VPS4A: variants seen among roughly 807,000 people sequenced by gnomAD.
The protein encoded by VPS4A is vacuolar protein sorting 4 homolog A.
Under a neutral mutation model 52.3 loss-of-function variants are expected in VPS4A, and 20 were observed. The ratio of observed to expected loss-of-function variants is 0.38; its 90% CI spans 0.27 to 0.56. The LOEUF (loss-of-function observed/expected upper bound fraction) is 0.56, where lower values mean the gene tolerates loss of function less well. Ranked by LOEUF, VPS4A falls within the 20% of genes least tolerant of loss-of-function variation. The pLI is 0.72. For synonymous variants in VPS4A, 293 were observed against 227.7 expected (o/e 1.29, Z -2.58); for missense variants, 419 against 575.9 (o/e 0.73, Z 2.79).
chr16:69,314,256 C>G (rs1460918784), intron 1 of VPS4A, among the ~76,000 whole-genome samples: 1 of 151,984 alleles, frequency 6.6e-6, no homozygotes, highest in Non-Finnish European at 1.5e-5. Context: ...CATGAGCCAC[C>G]GTGCCCAGCC....
Position 69,320,342 on chromosome 16 carries a change from C to G in VPS4A, c.769+53C>G. 4.4e-6 allele frequency: 7 copies of G among 1,595,260 alleles called. No homozygotes were observed. Among genetic ancestry groups the G allele is most frequent in the Non-Finnish European group, 6.0e-6 (7 of 1,166,832 alleles). On this transcript the variant is annotated intron_variant, in intron 7 of 10. Transcript: ENST00000254950. The surrounding 1 kb of genome is among the most constrained non-coding windows in gnomAD (Gnocchi z 4.2). ...GTTCTTGTTGCACCTGAAGCCAACC[C>G]TGGGCTTTATTCTGAGCTGCGGCTG...
rs1127232 is a variant in VPS4A, at chr16:69,321,252, G to A, written c.1053G>A (p.Ser351=). Residue 351 remains serine (S), a synonymous_variant, in exon 9 of 11, where the codon TCG becomes TCA. Coordinates refer to ENST00000254950, the MANE Select transcript of VPS4A (RefSeq NM_013245.3). This position sits in a 1 kb window ranked among gnomAD's most constrained non-coding sequence, Gnocchi z 4.5. ...SLMQPVRKVQ[S]ATHFKKVCGP... is the part of the protein sequence containing the mutation. ...TGCAGCCCGTGAGGAAGGTGCAGTC[G>A]GCCACACACTTCAAAAAGGTGAGTG... 93,300 of 1,555,258 alleles carry A rather than the reference G, an allele frequency of 0.06. 3,076 individuals are homozygous for A. Among genetic ancestry groups the A allele is most frequent in the South Asian group, 0.077 (6,527 of 84,300 alleles).
In VPS4A at chr16:69,326,206, ACACTGGGCTTG is replaced by A. The variant is rs1304931660; in HGVS notation, c.*1906_*1916del. Reference sequence around the variant, plus strand: ...TGATTACATGGCCAACTCTTGGCTCACACTGGGCTTGCACTGGGCCATTTCTTTGCTCTGGT... The same window carrying A: ...TGATTACATGGCCAACTCTTGGCTCACACTGGGCCATTTCTTTGCTCTGGT... On this transcript the variant is annotated 3_prime_UTR_variant, in exon 11 of 11. Transcript: ENST00000254950. 9 of 152,378 alleles carry A rather than the reference ACACTGGGCTTG, an allele frequency of 5.9e-5. No individual in the cohort carries two copies. Among genetic ancestry groups the A allele is most frequent in the African/African-American group, 1.7e-4 (7 of 41,566 alleles). The allele number at this position is 152,378 out of a possible 1,614,324, so 9.4% of individuals were successfully genotyped here. A position where few individuals can be genotyped will look rare whatever the true frequency, so the allele number is the denominator to read the frequency against.
In VPS4A at chr16:69,321,540, C is replaced by T. The variant is rs942077663; in HGVS notation, c.1071+270C>T. 1.0e-5 allele frequency: 5 copies of T among 500,414 alleles called. No homozygotes were observed. Among genetic ancestry groups the T allele is most frequent in the Non-Finnish European group, 1.8e-5 (5 of 275,236 alleles). The allele number at this position is 500,414 out of a possible 1,614,324, so 31.0% of individuals were successfully genotyped here. A position where few individuals can be genotyped will look rare whatever the true frequency, so the allele number is the denominator to read the frequency against. On this transcript the variant is annotated intron_variant, in intron 9 of 10. Coordinates refer to ENST00000254950, the MANE Select transcript of VPS4A (RefSeq NM_013245.3). This position sits in a 1 kb window ranked among gnomAD's most constrained non-coding sequence, Gnocchi z 4.5. ...CCTGCTGCGGCCTCCTCCGTCAGCA[C>T]TGTGTGCTCTTGTGCGGGGTGGACA... is the stretch of plus-strand genomic sequence containing the variant.
At position 69,325,751 on chromosome 16, in the gene VPS4A, G is replaced by T. The variant is rs1026753066; in HGVS notation, c.*1442G>T. 1.3e-5 allele frequency: 2 copies of T among 149,646 alleles called. No homozygotes were observed. The highest frequency in any genetic ancestry group is 3.2e-3 in the Middle Eastern group (1 of 310). The allele number at this position is 149,646 out of a possible 1,614,324, so 9.3% of individuals were successfully genotyped here. On this transcript the variant is annotated 3_prime_UTR_variant, in exon 11 of 11. Transcript: ENST00000254950. ...CTGTCTCAAAAAAAAAAAAAAAGTC[G>T]AGAGTTGACATAAAAATTCAGAATT...
At chr16:69,311,680 C>T (rs1965379647) in intron 1 of VPS4A, 148 bp downstream of exon 1, 1 of 868,274 alleles carries the variant, frequency 1.2e-6, no homozygotes. Flanking sequence ...CCGCTTCCGC[C>T]CGTGTCTGTT....
At chr16:69,323,790 A>C (rs188453010) in intron 10 of VPS4A, 3 of 385,084 alleles carry the variant, frequency 7.8e-6, no homozygotes, top group Admixed American at 6.3e-5. Context: ...TCTCTGCTAA[A>C]AATACAAAAA....
rs117150054 is a variant in VPS4A at position 69,315,914 on chromosome 16, G to A, written c.22-94G>A. ...CAAGCAATAAATCCACAGGCCCAGCGGCATCCCTCGTCACGTTTCATCCCC... is the reference window on the plus strand; with the variant it reads ...CAAGCAATAAATCCACAGGCCCAGCAGCATCCCTCGTCACGTTTCATCCCC... On this transcript the variant is annotated intron_variant, in intron 1 of 10. Transcript: ENST00000254950. The A allele has an allele frequency of 2.2e-3, 2,249 of 1,022,948 alleles. 61 individuals carry two copies. In the East Asian group the frequency reaches 0.045, roughly 21 times the overall value. The allele number at this position is 1,022,948 out of a possible 1,614,324, so 63.4% of individuals were successfully genotyped here. A position where few individuals can be genotyped will look rare whatever the true frequency, so the allele number is the denominator to read the frequency against.
At position 69,321,275 on chromosome 16, in the gene VPS4A, G is replaced by A. The variant is rs778749821; in HGVS notation, c.1071+5G>A. 22 of 1,550,642 alleles carry A rather than the reference G, an allele frequency of 1.4e-5. No homozygotes were observed. Among genetic ancestry groups the A allele is most frequent in the African/African-American group, 2.7e-5 (2 of 73,052 alleles). ...TCGGCCACACACTTCAAAAAGGTGA[G>A]TGCCCGCGGCCACTGCTGAGAAAAA... is the stretch of plus-strand genomic sequence containing the variant. On this transcript the variant is annotated splice_donor_5th_base_variant and intron_variant, in intron 9 of 10. Coordinates refer to ENST00000254950, the MANE Select transcript of VPS4A (RefSeq NM_013245.3). The surrounding 1 kb of genome is among the most constrained non-coding windows in gnomAD (Gnocchi z 4.5).
rs1398140576 is a variant in VPS4A, at chr16:69,326,373, G to GT, written c.*2066dup. 6.6e-6 allele frequency: 1 copy of GT among 152,228 alleles called. No homozygotes were observed. The highest frequency in any genetic ancestry group is 1.5e-5 in the Non-Finnish European group (1 of 68,048). 9.4% of individuals were successfully genotyped at this position (152,228 alleles called of 1,614,324 possible). On this transcript the variant is annotated 3_prime_UTR_variant, in exon 11 of 11. Transcript: ENST00000254950. ...TTGGGGGTGCTTGTGTAAGTTCTTG[G>GT]TTATGTGCCCTCAGCCACCAGGATA... is the stretch of plus-strand genomic sequence containing the variant.
At chr16:69,323,944 C>CAAAAAAA (rs373024058) in intron 10 of VPS4A, among the ~76,000 whole-genome samples, 1 of 99,530 alleles carries the variant, frequency 1.0e-5, no homozygotes, top group African/African-American at 3.7e-5. Flanking sequence ...ACTCCGTCTC[C>CAAAAAAA]AAAAAAAAAA....
chr16:69,313,647 A>T (rs1965403057), intron 1 of VPS4A, among the ~76,000 whole-genome samples: 1 of 152,180 alleles, frequency 6.6e-6, no homozygotes. Context: ...GTCTATAAAT[A>T]AAGTTTTATT....
chr16:69,320,545 T>C lies in VPS4A; in HGVS notation c.770-143T>C. 1 of 832,472 alleles carries C rather than the reference T, an allele frequency of 1.2e-6. No individual in the cohort carries two copies. Among genetic ancestry groups the C allele is most frequent in the Non-Finnish European group, 1.9e-6 (1 of 531,980 alleles). 51.6% of individuals were successfully genotyped at this position (832,472 alleles called of 1,614,324 possible). A position where few individuals can be genotyped will look rare whatever the true frequency, so the allele number is the denominator to read the frequency against. The stretch of plus-strand genomic sequence containing the variant: ...ACAGCCAGACCAAGATGTGGTTTAA[T>C]CTCACTTGGGACCCTGCCAGTGGTG... On this transcript the variant is annotated intron_variant, in intron 7 of 10. Transcript: ENST00000254950. This position sits in a 1 kb window ranked among gnomAD's most constrained non-coding sequence, Gnocchi z 4.2.
At chr16:69,314,834 C>A (rs555254263) in intron 1 of VPS4A, among the ~76,000 whole-genome samples, 17 of 152,268 alleles carry the variant, frequency 1.1e-4, no homozygotes, top group Middle Eastern at 3.4e-3. Flanking sequence ...TGCGGTGGGA[C>A]TGCCTGCCTG....
In VPS4A at chr16:69,320,336, C is replaced by T. The variant is rs1304118624; in HGVS notation, c.769+47C>T. ...CCCTTGGTTCTTGTTGCACCTGAAG[C>T]CAACCCTGGGCTTTATTCTGAGCTG... On this transcript the variant is annotated intron_variant, in intron 7 of 10. Transcript: ENST00000254950. This position sits in a 1 kb window ranked among gnomAD's most constrained non-coding sequence, Gnocchi z 4.2. 1.3e-6 allele frequency: 2 copies of T among 1,598,784 alleles called. No individual in the cohort carries two copies. The highest frequency in any genetic ancestry group is 4.5e-5 in the East Asian group (2 of 44,550).
Position 69,320,119 on chromosome 16 carries a change from A to G in VPS4A, c.621-22A>G, listed in dbSNP as rs778360357. 4.4e-6 allele frequency: 7 copies of G among 1,607,452 alleles called. No homozygotes were observed. In the Admixed American group the frequency reaches 1.2e-4, roughly 27 times the overall value. On this transcript the variant is annotated intron_variant, in intron 6 of 10. Transcript: ENST00000254950. This position sits in a 1 kb window ranked among gnomAD's most constrained non-coding sequence, Gnocchi z 4.2. ...GCACGGACGTGAACGTCTTGTCCTC[A>G]CCCCCTTTCTCACCTTCACAGGCTG...
At chr16:69,318,420 G>A (rs967224539) in intron 3 of VPS4A, among the ~76,000 whole-genome samples, 3 of 152,248 alleles carry the variant, frequency 2.0e-5, no homozygotes, top group Admixed American at 6.5e-5. Context: ...TCTGCTCCGC[G>A]AAGAAACAGG....
chr16:69,322,750 T>G (rs762960627), intron 10 of VPS4A, 50 bp downstream of exon 10: 1 of 1,565,100 alleles, frequency 6.4e-7, no homozygotes. Flanking sequence ...GCCCAGAAAA[T>G]TGAGGGTTTG....
chr16:69,320,728 C>T lies in VPS4A; in HGVS notation c.810C>T (p.Ala270=). ...ATGATGGGACTCTGGTTCTTGGAGC[C>T]ACAAACATCCCATGGGTGTTGGATT... ...NNNDGTLVLG[A]TNIPWVLDSA... The change falls in exon 8 of 11, where the codon GCC becomes GCT. Residue 270 remains alanine (A), a synonymous_variant. Coordinates refer to ENST00000254950, the MANE Select transcript of VPS4A (RefSeq NM_013245.3). The surrounding 1 kb of genome is among the most constrained non-coding windows in gnomAD (Gnocchi z 4.2). 1 of 1,609,120 alleles carries T rather than the reference C, an allele frequency of 6.2e-7. No individual in the cohort carries two copies. Among genetic ancestry groups the T allele is most frequent in the Non-Finnish European group, 8.5e-7 (1 of 1,177,862 alleles).
Sources: allele counts gnomAD v4.1 joint callset (sites outside exome capture counted in the v4.1 genomes callset), GRCh38; gene constraint gnomAD v4.1.1; non-coding constraint Gnocchi (gnomAD v3.1); transcripts MANE v1.5; gene names NCBI Gene and HGNC (gene_info 2026-07-23, HGNC 2026-07-21).